Variants in ENTREP2 observed in about 807,000 individuals in gnomAD.
ENTREP2 encodes protein ENTREP2.
the ENTREP2 span, among the ~76,000 whole-genome samples, chr15:29,370,711 T>C: frequency 6.6e-6 from 1 of 152,160 alleles, no homozygotes; most frequent in African/African-American, 2.4e-5. Flanking sequence ...TAACATTTCT[T>C]AAAGTGCCCC....
chr15:29,546,512 T>G, the ENTREP2 span, among the ~76,000 whole-genome samples: 1 of 152,142 alleles, frequency 6.6e-6, no homozygotes, highest in Non-Finnish European at 1.5e-5. Flanking sequence ...AAAAAGTACA[T>G]GGCCAAACCA....
chr15:29,242,666 C>T, the ENTREP2 span, among the ~76,000 whole-genome samples: 1 of 152,212 alleles, frequency 6.6e-6, no homozygotes, highest in East Asian at 1.9e-4. Flanking sequence ...GTGCCAGGCC[C>T]TGGATGTGGG....
chr15:29,433,433 C>T, the ENTREP2 span, among the ~76,000 whole-genome samples: 1 of 152,170 alleles, frequency 6.6e-6, no homozygotes, highest in Admixed American at 6.5e-5. Context: ...GATTTAGCTA[C>T]ATTTTATTCT....
the ENTREP2 span, among the ~76,000 whole-genome samples, chr15:29,627,698 A>T: frequency 6.6e-6 from 1 of 152,048 alleles, no homozygotes; most frequent in Non-Finnish European, 1.5e-5. Context: ...CTGTCTATAC[A>T]TTTGCCAGTC....
chr15:29,400,906 GC>G, the ENTREP2 span, among the ~76,000 whole-genome samples: 4 of 152,194 alleles, frequency 2.6e-5, no homozygotes, highest in East Asian at 7.7e-4. Context: ...AATAAACTTG[GC>G]CATGGGATAT....
chr15:29,305,749 G>A, the ENTREP2 span, among the ~76,000 whole-genome samples: 2 of 152,216 alleles, frequency 1.3e-5, no homozygotes, highest in Non-Finnish European at 2.9e-5. Flanking sequence ...ATGCCTACCA[G>A]ACATCCATAT....
the ENTREP2 span, among the ~76,000 whole-genome samples, chr15:29,158,574 T>C: frequency 6.6e-6 from 1 of 152,032 alleles, no homozygotes; most frequent in African/African-American, 2.4e-5. Flanking sequence ...CCGTCTAATT[T>C]TGATGTATAT....
At chr15:29,548,080 A>G in the ENTREP2 span, among the ~76,000 whole-genome samples, 202 of 152,300 alleles carry the variant, frequency 1.3e-3, 1 homozygote, top group Middle Eastern at 3.4e-3. Context: ...GGTTGGGGGT[A>G]AAAGTTTCTC....
chr15:29,231,686 CTTCA>C, the ENTREP2 span, among the ~76,000 whole-genome samples: 77 of 151,976 alleles, frequency 5.1e-4, no homozygotes, highest in Non-Finnish European at 2.1e-4. Flanking sequence ...CTTAATTATT[CTTCA>C]TTGTTAATAC....
chr15:29,272,248 A>G, the ENTREP2 span, among the ~76,000 whole-genome samples: 2 of 152,184 alleles, frequency 1.3e-5, no homozygotes, highest in Admixed American at 1.3e-4. Context: ...TCCACCTTGG[A>G]TTGATACTGG....
At chr15:29,461,517 T>G in the ENTREP2 span, among the ~76,000 whole-genome samples, 2 of 152,198 alleles carry the variant, frequency 1.3e-5, no homozygotes, top group African/African-American at 2.4e-5. Flanking sequence ...AGTCTTGCTC[T>G]GTCGCCCAGG....
chr15:29,275,078 T>A, the ENTREP2 span, among the ~76,000 whole-genome samples: 2 of 152,220 alleles, frequency 1.3e-5, no homozygotes, highest in Non-Finnish European at 2.9e-5. Context: ...AAAGAGGAAA[T>A]TCAAATGCCC....
the ENTREP2 span, among the ~76,000 whole-genome samples, chr15:29,621,122 G>T: frequency 1.3e-5 from 2 of 152,052 alleles, no homozygotes; most frequent in South Asian, 2.1e-4. Flanking sequence ...AGGCGCAGTG[G>T]CTCATGCCTG....
chr15:29,269,707 T>C, the ENTREP2 span: 1 of 1,525,948 alleles, frequency 6.6e-7, no homozygotes, highest in Non-Finnish European at 8.7e-7. Flanking sequence ...TTGCAACATG[T>C]CTCCGGCGGC....
chr15:29,158,668 C>G, the ENTREP2 span, among the ~76,000 whole-genome samples: 1 of 152,124 alleles, frequency 6.6e-6, no homozygotes, highest in Admixed American at 6.5e-5. Context: ...TTTACAAATA[C>G]TGAAATCCAC....
the ENTREP2 span, among the ~76,000 whole-genome samples, chr15:29,571,182 G>A: frequency 6.6e-6 from 1 of 151,886 alleles, no homozygotes; most frequent in Non-Finnish European, 1.5e-5. Flanking sequence ...TGGCGTCCCA[G>A]CCTCCGCGCT....
the ENTREP2 span, among the ~76,000 whole-genome samples, chr15:29,154,058 ATGT>A: frequency 6.6e-6 from 1 of 152,144 alleles, no homozygotes; most frequent in Non-Finnish European, 1.5e-5. Context: ...CATTTTCCAA[ATGT>A]TGTTAGTACA....
At chr15:29,118,504 T>C in the ENTREP2 span, among the ~76,000 whole-genome samples, 1 of 152,318 alleles carries the variant, frequency 6.6e-6, no homozygotes, top group East Asian at 1.9e-4. Context: ...GCACCAGGTG[T>C]CAGCTGGGCA....
the ENTREP2 span, among the ~76,000 whole-genome samples, chr15:29,623,270 C>A: frequency 2.0e-5 from 3 of 152,168 alleles, no homozygotes; most frequent in Non-Finnish European, 4.4e-5. Context: ...AGCTTGGCAC[C>A]CCCATGTCCT....
Sources: allele counts gnomAD v4.1 joint callset (sites outside exome capture counted in the v4.1 genomes callset), GRCh38; gene constraint gnomAD v4.1.1; transcripts MANE v1.5; gene names NCBI Gene and HGNC (gene_info 2026-07-23, HGNC 2026-07-21).